The following USH2A variants were observed in gnomAD, a reference collection of about 807,000 sequenced individuals.
USH2A encodes usherin, also known as Usher syndrome 2A (autosomal recessive, mild).
USH2A carries 443 observed loss-of-function variants against 538.9 expected under a neutral mutation model. That is an observed-to-expected ratio of 0.82 (90% CI 0.76 to 0.89). The LOEUF (loss-of-function observed/expected upper bound fraction) is 0.89, where lower values mean the gene tolerates loss of function less well. USH2A is among the 40% of genes least tolerant of loss of function. The pLI is 0.00. For synonymous variants in USH2A, 2,413 were observed against 2,273.5 expected (o/e 1.06, Z -1.75); for missense variants, 6,633 against 6,324.8 (o/e 1.05, Z -1.65).
intron 14 of USH2A, among the ~76,000 whole-genome samples, chr1:216,221,082 ATTGT>A (rs1476566699): frequency 2.6e-4 from 39 of 152,168 alleles, no homozygotes; most frequent in African/African-American, 8.7e-4. Flanking sequence ...TTCAGTAAAT[ATTGT>A]CGGATACAGG....
intron 21 of USH2A, among the ~76,000 whole-genome samples, chr1:216,129,021 C>T (rs544475793): frequency 2.6e-4 from 40 of 152,034 alleles, no homozygotes; most frequent in Non-Finnish European, 4.7e-4. Context: ...CTTTCTGTGC[C>T]TAGCTTATTT....
At chr1:215,866,979 T>C in intron 44 of USH2A, 28 bp downstream of exon 44, 2 of 1,614,034 alleles carry the variant, frequency 1.2e-6, no homozygotes, top group Non-Finnish European at 1.7e-6. Flanking sequence ...ACACAAAGTG[T>C]TAACACAGGT....
At chr1:216,226,479 C>T (rs1174684781) in intron 14 of USH2A, among the ~76,000 whole-genome samples, 2 of 152,142 alleles carry the variant, frequency 1.3e-5, no homozygotes, top group Non-Finnish European at 2.9e-5. Flanking sequence ...GGTTAGCCTC[C>T]TCCCTCACGT....
chr1:215,998,823 A>T (rs533976447), intron 34 of USH2A, 64 bp downstream of exon 34: 1 of 1,556,170 alleles, frequency 6.4e-7, no homozygotes, highest in East Asian at 2.3e-5. Flanking sequence ...GAAAAGATGG[A>T]CCACGGGAAG....
At chr1:215,923,106 C>T (rs112757963) in intron 38 of USH2A, among the ~76,000 whole-genome samples, 2 of 152,098 alleles carry the variant, frequency 1.3e-5, no homozygotes, top group African/African-American at 4.8e-5. Context: ...GCATGATTTT[C>T]AGGAAGTGAT....
At chr1:216,001,115 C>A (rs1179975968) in intron 32 of USH2A, among the ~76,000 whole-genome samples, 1 of 152,138 alleles carries the variant, frequency 6.6e-6, no homozygotes, top group East Asian at 1.9e-4. Context: ...GTCACCCCAG[C>A]ACAAGATGGA....
At chr1:215,642,170 G>A (rs1656707092) in intron 67 of USH2A, among the ~76,000 whole-genome samples, 1 of 152,150 alleles carries the variant, frequency 6.6e-6, no homozygotes, top group South Asian at 2.1e-4. Flanking sequence ...AGAATAATGA[G>A]TTTACAAATC....
At chr1:215,902,973 T>C (rs1290433111) in intron 38 of USH2A, among the ~76,000 whole-genome samples, 1 of 151,912 alleles carries the variant, frequency 6.6e-6, no homozygotes, top group Non-Finnish European at 1.5e-5. Flanking sequence ...GAAGTGAGTG[T>C]TGATAGAATG....
intron 32 of USH2A, among the ~76,000 whole-genome samples, chr1:216,031,839 T>A: frequency 6.6e-6 from 1 of 152,210 alleles, no homozygotes; most frequent in East Asian, 1.9e-4. Flanking sequence ...TTTTGTGAAA[T>A]GCGCATTAAT....
intron 21 of USH2A, among the ~76,000 whole-genome samples, chr1:216,118,380 C>T (rs140778939): frequency 2.0e-5 from 3 of 152,092 alleles, no homozygotes; most frequent in South Asian, 4.1e-4. Flanking sequence ...CTGCAAAGTC[C>T]AAGAAAAAAG....
Position 215,993,125 on chromosome 1 carries a change from C to T in USH2A, c.6700G>A (p.Ala2234Thr). Residue 2234 changes from alanine (A) to threonine (T), a missense_variant, in exon 35 of 72, where the codon GCC (alanine) becomes ACC (threonine). Transcript: ENST00000307340. ...TCGGGTATGTCCTCGTCAGTTAGGGCCTCACTGGCCTCACTCACTGTGCAC... is the reference window on the plus strand; with the variant it reads ...TCGGGTATGTCCTCGTCAGTTAGGGTCTCACTGGCCTCACTCACTGTGCAC... ...GGCTVSEASEALTDEDIPEGV... is the reference protein window; with the variant it reads ...GGCTVSEASETLTDEDIPEGV... 6.2e-7 allele frequency: 1 copy of T among 1,613,878 alleles called. No individual in the cohort carries two copies. Among genetic ancestry groups the T allele is most frequent in the Non-Finnish European group, 8.5e-7 (1 of 1,179,930 alleles).
intron 4 of USH2A, among the ~76,000 whole-genome samples, chr1:216,336,515 T>G (rs535359166): frequency 6.6e-6 from 1 of 151,546 alleles, no homozygotes; most frequent in African/African-American, 2.4e-5. Context: ...TTAGGAATTA[T>G]AAATGAGTTC....
intron 3 of USH2A, among the ~76,000 whole-genome samples, chr1:216,401,176 C>A (rs2039297909): frequency 6.6e-6 from 1 of 151,882 alleles, no homozygotes; most frequent in South Asian, 2.1e-4. Flanking sequence ...AGTAAAGGAC[C>A]TAAGTGGAAA....
At chr1:215,946,159 A>G (rs75268361) in intron 37 of USH2A, among the ~76,000 whole-genome samples, 4,884 of 152,260 alleles carry the variant, frequency 0.032, 122 homozygotes, top group South Asian at 0.083. Context: ...ATGTGTCATC[A>G]CAAATGATGG....
At chr1:216,045,021 C>G (rs1558228749) in intron 32 of USH2A, among the ~76,000 whole-genome samples, 1 of 152,168 alleles carries the variant, frequency 6.6e-6, no homozygotes, top group Non-Finnish European at 1.5e-5. Context: ...CCAGCATCTA[C>G]ATGTGCCCCC....
chr1:215,733,838 C>A (rs1459134642), intron 60 of USH2A, among the ~76,000 whole-genome samples: 2 of 152,182 alleles, frequency 1.3e-5, no homozygotes, highest in Non-Finnish European at 2.9e-5. Context: ...TAGCTTCAAC[C>A]CTGTGGTTTT....
At position 216,368,461 on chromosome 1, in the gene USH2A, TAGAG is replaced by T. The variant is rs953127718; in HGVS notation, c.652-3380_652-3377del. On this transcript the variant is annotated intron_variant, in intron 3 of 71. Coordinates refer to ENST00000307340, the MANE Select transcript of USH2A (RefSeq NM_206933.4). ...GAAACTGCTGACTCAGGCTGGGAAA[TAGAG>T]AGACAGAATACCTGTGCTGAATTTG... is the stretch of plus-strand genomic sequence containing the variant. Among the ~76,000 whole-genome samples, 11 of 152,152 alleles carry T rather than the reference TAGAG, an allele frequency of 7.2e-5. 1 individual carries two copies. In the East Asian group the frequency reaches 1.4e-3, roughly 19 times the overall value.
At position 216,422,184 on chromosome 1, in the gene USH2A, G is replaced by A. The variant is rs1160617615; in HGVS notation, c.153C>T (p.Ile51=). The change falls in exon 2 of 72, where the codon ATC becomes ATT. Residue 51 remains isoleucine (I), a synonymous_variant. Coordinates refer to ENST00000307340, the MANE Select transcript of USH2A (RefSeq NM_206933.4). ...ENVGAFKKVS[I]VPTQAVCGLP... is the part of the protein sequence containing the mutation. Reference sequence around the variant, plus strand: ...GTCCACATACTGCTTGGGTTGGCACGATGGAAACTTTCTTGAAAGCTCCCA... The same window carrying A: ...GTCCACATACTGCTTGGGTTGGCACAATGGAAACTTTCTTGAAAGCTCCCA... The A allele has an allele frequency of 6.8e-6, 11 of 1,612,690 alleles. No homozygotes were observed. Among genetic ancestry groups the A allele is most frequent in the Admixed American group, 5.0e-5 (3 of 59,840 alleles).
At chr1:216,382,682 G>A (rs1013444060) in intron 3 of USH2A, among the ~76,000 whole-genome samples, 4 of 152,154 alleles carry the variant, frequency 2.6e-5, no homozygotes, top group Non-Finnish European at 4.4e-5. Flanking sequence ...CCCAGGGAAA[G>A]TGTGTGCCGT....
Sources: gnomAD v4.1 joint callset for allele counts (sites outside exome capture counted in the v4.1 genomes callset) on GRCh38, gnomAD v4.1.1 for gene constraint, MANE v1.5 for transcripts, NCBI Gene and HGNC (gene_info 2026-07-23, HGNC 2026-07-21) for gene names.